The following MALAT1 variants were observed in gnomAD, a reference collection of about 807,000 sequenced individuals.
MALAT1 encodes the protein hepcarcin.
In MALAT1 at chr11:65,498,475, C is replaced by T. The variant is rs183969190; in HGVS notation, n.179-207C>T. The stretch of plus-strand genomic sequence containing the variant: ...GTGGGTTTTCACGTTTCTAAGATTT[C>T]CCAAGCAGACAGCCCGTGCTGCTCC... On this transcript the variant is annotated intron_variant and non_coding_transcript_variant, in intron 1 of 3. Coordinates refer to ENST00000619449, the Ensembl canonical transcript of MALAT1. The T allele has an allele frequency of 9.2e-4, 475 of 518,520 alleles. 9 individuals are homozygous for T. In the East Asian group the frequency reaches 0.023, roughly 26 times the overall value. The allele number at this position is 518,520 out of a possible 1,614,324, so 32.1% of individuals were successfully genotyped here. A position where few individuals can be genotyped will look rare whatever the true frequency, so the allele number is the denominator to read the frequency against.
exon 3 of MALAT1, chr11:65,501,007 G>C (rs1242171610): frequency 2.0e-6 from 1 of 507,346 alleles, no homozygotes; most frequent in African/African-American, 2.0e-5. Flanking sequence ...CAAGTTTGTG[G>C]GTTTTTTTTT....
At chr11:65,504,247 C>CAA (rs1854623247) in intron 3 of MALAT1, 1 of 507,450 alleles carries the variant, frequency 2.0e-6, no homozygotes, top group East Asian at 5.6e-5. Flanking sequence ...TCAGCATACT[C>CAA]AAAATTTTTT....
At chr11:65,504,342 A>G (rs1451091114) in intron 3 of MALAT1, 1 of 514,940 alleles carries the variant, frequency 1.9e-6, no homozygotes, top group African/African-American at 1.9e-5. Flanking sequence ...CAGAGAATGC[A>G]GTTGTCTTGA....
At chr11:65,499,134 A>G (rs371968615) in exon 3 of MALAT1, 6 of 517,556 alleles carry the variant, frequency 1.2e-5, no homozygotes, top group Admixed American at 5.8e-5. Context: ...TCTTTGAAAG[A>G]TAGAGATTAA....
At chr11:65,500,788 A>G (rs1440495795) in exon 3 of MALAT1, 1 of 518,786 alleles carries the variant, frequency 1.9e-6, no homozygotes, top group African/African-American at 1.9e-5. Flanking sequence ...GGTCGGCAAT[A>G]TGTTGTTTTT....
At chr11:65,502,288 A>G (rs764545919) in exon 3 of MALAT1, 1 of 517,534 alleles carries the variant, frequency 1.9e-6, no homozygotes, top group Non-Finnish European at 3.9e-6. Flanking sequence ...AATTTTTTTC[A>G]GGTGATTTAA....
chr11:65,505,492 A>C (rs750533228), intron 3 of MALAT1: 6 of 514,858 alleles, frequency 1.2e-5, no homozygotes, highest in South Asian at 7.0e-5. Context: ...GCGGGCAACC[A>C]CTTTTCCCTA....
At chr11:65,506,415 GC>G (rs960043530) in exon 4 of MALAT1, 12 of 381,158 alleles carry the variant, frequency 3.1e-5, no homozygotes, top group African/African-American at 2.6e-4. Context: ...GTTTTGAGAA[GC>G]CCTACTGCTG....
At chr11:65,503,124 T>A (rs1031483096) in exon 3 of MALAT1, 8 of 508,342 alleles carry the variant, frequency 1.6e-5, no homozygotes, top group African/African-American at 1.2e-4. Context: ...CAGACAGGTA[T>A]CTCTTCGTTA....
exon 3 of MALAT1, chr11:65,499,636 T>C (rs1158091019): frequency 2.3e-6 from 1 of 442,512 alleles, no homozygotes; most frequent in Non-Finnish European, 4.5e-6. Flanking sequence ...ATGAAACAAT[T>C]TGGAGAAGAT....
downstream of MALAT1, chr11:65,506,506 T>G (rs1011078002): frequency 3.7e-6 from 1 of 270,252 alleles, no homozygotes; most frequent in Non-Finnish European, 7.4e-6. Flanking sequence ...AAATCTTGAT[T>G]GGGGAAAAAA....
At chr11:65,504,394 G>A (rs1178482467) in intron 3 of MALAT1, 1 of 518,566 alleles carries the variant, frequency 1.9e-6, no homozygotes, top group South Asian at 1.4e-5. Context: ...ATGCAGTACT[G>A]TTCTGATCCC....
intron 1 of MALAT1, chr11:65,498,472 T>G: frequency 1.9e-6 from 1 of 518,456 alleles, no homozygotes; most frequent in East Asian, 5.4e-5. Flanking sequence ...GTTTCTAAGA[T>G]TTCCCAAGCA....
At chr11:65,498,574 G>T (rs1354671376) in intron 1 of MALAT1, 1 of 518,670 alleles carries the variant, frequency 1.9e-6, no homozygotes, top group Non-Finnish European at 3.8e-6. Flanking sequence ...AGTTGGGGGA[G>T]AAAGTCCGCC....
At chr11:65,500,167 C>T (rs761390166) in exon 3 of MALAT1, 8 of 505,070 alleles carry the variant, frequency 1.6e-5, no homozygotes, top group South Asian at 8.8e-5. Flanking sequence ...CAAAAAGCTA[C>T]TAAAAGGACT....
intron 1 of MALAT1, chr11:65,498,034 G>C (rs145597021): frequency 1.9e-6 from 1 of 518,936 alleles, no homozygotes; most frequent in Non-Finnish European, 3.8e-6. Context: ...TTGGAGGAAA[G>C]CTTTTATTTT....
At chr11:65,500,594 G>C in exon 3 of MALAT1, 1 of 518,954 alleles carries the variant, frequency 1.9e-6, no homozygotes, top group South Asian at 1.4e-5. Flanking sequence ...TAACGATTTG[G>C]TGGTGAAGCT....
exon 3 of MALAT1, chr11:65,499,696 A>G (rs1438355659): frequency 2.3e-6 from 1 of 433,956 alleles, no homozygotes; most frequent in Non-Finnish European, 4.5e-6. Context: ...AAGGCGAAGA[A>G]AAGAATAGAG....
At chr11:65,499,501 A>G (rs373836160) in exon 3 of MALAT1, 93 of 464,974 alleles carry the variant, frequency 2.0e-4, no homozygotes, top group African/African-American at 1.8e-3. Flanking sequence ...TTAAAAAGAG[A>G]TTAAACCGAA....
Sources: allele counts gnomAD v4.1 joint callset, GRCh38; gene constraint gnomAD v4.1.1; transcripts MANE v1.5; gene names NCBI Gene and HGNC (gene_info 2026-07-23, HGNC 2026-07-21).